The following NIN variants were observed in gnomAD, a reference collection of about 807,000 sequenced individuals.
The protein encoded by NIN is ninein.
NIN carries 137 observed loss-of-function variants against 257.6 expected under a neutral mutation model. That is an observed-to-expected ratio of 0.53 (90% CI 0.46 to 0.61). The LOEUF (loss-of-function observed/expected upper bound fraction) is 0.61, where lower values mean the gene tolerates loss of function less well. Ranked by LOEUF, NIN falls within the 20% of genes least tolerant of loss-of-function variation. The pLI is 0.00. For synonymous variants in NIN, 918 were observed against 919.8 expected (o/e 1.00, Z 0.04); for missense variants, 2,439 against 2,501.2 (o/e 0.98, Z 0.53).
chr14:50,734,375 AGCCACTG>A (rs777424915), intron 28 of NIN, among the ~76,000 whole-genome samples: 3 of 152,140 alleles, frequency 2.0e-5, no homozygotes, highest in Non-Finnish European at 2.9e-5. Context: ...TACAGGGGTA[AGCCACTG>A]CGCCCGGCCC....
At chr14:50,728,328 G>T (rs546057368) in intron 29 of NIN, among the ~76,000 whole-genome samples, 1 of 152,278 alleles carries the variant, frequency 6.6e-6, no homozygotes, top group South Asian at 2.1e-4. Context: ...GGAAGTTGAA[G>T]AGGTATGTAT....
In NIN at chr14:50,743,399, A is replaced by G. The variant is rs751561731; in HGVS notation, c.5301+17T>C. ...AGAATACTAACCGTGAAGATGAAAC[A>G]AGAATTGTCCATGTACCTTTTCCTG... On this transcript the variant is annotated intron_variant, in intron 24 of 30. Coordinates refer to ENST00000530997, the MANE Select transcript of NIN (RefSeq NM_020921.4). The G allele has an allele frequency of 4.1e-6, 6 of 1,476,220 alleles. No individual in the cohort carries two copies. In the South Asian group the frequency reaches 4.5e-5, roughly 11 times the overall value. 91.4% of individuals were successfully genotyped at this position (1,476,220 alleles called of 1,614,324 possible). A position where few individuals can be genotyped will look rare whatever the true frequency, so the allele number is the denominator to read the frequency against.
chr14:50,770,344 G>A, intron 12 of NIN, 44 bp downstream of exon 12: 1 of 1,582,844 alleles, frequency 6.3e-7, no homozygotes, highest in Non-Finnish European at 8.6e-7. Flanking sequence ...TCCACGTGGT[G>A]TTCCCGGCAG....
At chr14:50,812,131 A>T (rs567177843) in intron 3 of NIN, among the ~76,000 whole-genome samples, 11 of 152,080 alleles carry the variant, frequency 7.2e-5, no homozygotes, top group South Asian at 2.1e-4. Flanking sequence ...GAAACAAAAA[A>T]TTTTTTTTAC....
chr14:50,738,076 A>G, intron 27 of NIN, 64 bp downstream of exon 27: 1 of 1,521,176 alleles, frequency 6.6e-7, no homozygotes, highest in Non-Finnish European at 9.0e-7. Flanking sequence ...CCTGAGAAGA[A>G]ACACACTTAA....
At position 50,758,635 on chromosome 14, in the gene NIN, A is replaced by G. The variant is rs1208627865; in HGVS notation, c.2400-5T>C. ...CACTCTGTTTCCATTTTTTCCCTAA[A>G]TATAGTCAACATACAGCATTATTGA... On this transcript the variant is annotated splice_region_variant and splice_polypyrimidine_tract_variant and intron_variant, in intron 17 of 30. Transcript: ENST00000530997. 3.2e-6 allele frequency: 5 copies of G among 1,550,248 alleles called. No individual in the cohort carries two copies. In the South Asian group the frequency reaches 6.1e-5, roughly 19 times the overall value.
chr14:50,730,169 A>AT (rs1415648627), intron 28 of NIN, among the ~76,000 whole-genome samples: 3 of 152,112 alleles, frequency 2.0e-5, no homozygotes, highest in Non-Finnish European at 2.9e-5. Flanking sequence ...CAAGTTAGCA[A>AT]TTTTTTTTGG....
intron 5 of NIN, among the ~76,000 whole-genome samples, chr14:50,779,860 T>C (rs1327450623): frequency 2.0e-5 from 3 of 152,074 alleles, no homozygotes; most frequent in African/African-American, 4.8e-5. Flanking sequence ...AGGAGAGAGA[T>C]GCAACTTAAA....
chr14:50,818,331 A>AC (rs1406453620), intron 3 of NIN, among the ~76,000 whole-genome samples: 1 of 151,804 alleles, frequency 6.6e-6, no homozygotes, highest in African/African-American at 2.4e-5. Flanking sequence ...AAAAAAAAAA[A>AC]AAAAAAAACA....
Position 50,722,870 on chromosome 14 carries a change from A to G in NIN, c.*593T>C. 1 of 213,034 alleles carries G rather than the reference A, an allele frequency of 4.7e-6. No homozygotes were observed. The highest frequency in any genetic ancestry group is 9.5e-6 in the Non-Finnish European group (1 of 105,160). 13.2% of individuals were successfully genotyped at this position (213,034 alleles called of 1,614,324 possible). On this transcript the variant is annotated 3_prime_UTR_variant, in exon 31 of 31. Transcript: ENST00000530997. ...AATCTATAATACAAGAAGAGTGGTA[A>G]TACTGTCACAGGTGTTAGAAGGTTA...
intron 4 of NIN, among the ~76,000 whole-genome samples, chr14:50,801,075 C>T (rs150688454): frequency 1.7e-3 from 240 of 142,470 alleles, no homozygotes; most frequent in Non-Finnish European, 2.7e-3. Context: ...AGGCATGAGC[C>T]ACTGCGCCCG....
Position 50,729,523 on chromosome 14 carries a change from C to T in NIN, c.6078G>A (p.Gln2026=). The change falls in exon 29 of 31, where the codon CAG becomes CAA. Residue 2026 remains glutamine, a splice_region_variant and synonymous_variant. Transcript: ENST00000530997. ...ENRTSETNTP[Q]GNQEQLVTVM... Reference sequence around the variant, plus strand: ...TACTAGAGTAGAGAGAGCTTCATACCTGTGGTGTGTTGGTTTCGGAGGTCC... The same window carrying T: ...TACTAGAGTAGAGAGAGCTTCATACTTGTGGTGTGTTGGTTTCGGAGGTCC... 6.2e-7 allele frequency: 1 copy of T among 1,612,940 alleles called. No individual in the cohort carries two copies. The highest frequency in any genetic ancestry group is 8.5e-7 in the Non-Finnish European group (1 of 1,179,374).
rs140862061 is a variant in NIN, at chr14:50,720,511, C to A, written c.*2952G>T. On this transcript the variant is annotated 3_prime_UTR_variant, in exon 31 of 31. Transcript: ENST00000530997. ...GTGCATTATTAAAATACTAGACCTG[C>A]AAGATCTCTTCCTATGCCTTGGAAG... 1.9e-5 allele frequency: 4 copies of A among 209,802 alleles called. No individual in the cohort carries two copies. Among genetic ancestry groups the A allele is most frequent in the Non-Finnish European group, 3.9e-5 (4 of 102,816 alleles). The allele number at this position is 209,802 out of a possible 1,614,324, so 13.0% of individuals were successfully genotyped here. A position where few individuals can be genotyped will look rare whatever the true frequency, so the allele number is the denominator to read the frequency against.
At chr14:50,821,392 G>A (rs2142439672) in intron 3 of NIN, among the ~76,000 whole-genome samples, 1 of 152,324 alleles carries the variant, frequency 6.6e-6, no homozygotes, top group South Asian at 2.1e-4. Context: ...AAATGAACCT[G>A]CACTGTATTT....
intron 29 of NIN, chr14:50,727,751 C>T: frequency 7.0e-7 from 1 of 1,423,100 alleles, no homozygotes; most frequent in Non-Finnish European, 9.5e-7. Context: ...GGTAGCAAGG[C>T]CTAGAGAAAG....
intron 5 of NIN, chr14:50,792,179 C>CCATGG (rs984439307): frequency 3.3e-5 from 5 of 152,608 alleles, no homozygotes; most frequent in Non-Finnish European, 2.9e-5. Flanking sequence ...GCAGAAAGAA[C>CCATGG]CATGGCAACT....
intron 12 of NIN, among the ~76,000 whole-genome samples, chr14:50,769,811 CAT>C (rs2042652242): frequency 6.6e-6 from 1 of 151,906 alleles, no homozygotes; most frequent in Admixed American, 6.6e-5. Flanking sequence ...AGCATAATAA[CAT>C]GAGCCTATAG....
Position 50,776,936 on chromosome 14 carries a change from C to A in NIN, c.666+13G>T. 1 of 1,605,470 alleles carries A rather than the reference C, an allele frequency of 6.2e-7. No individual in the cohort carries two copies. Among genetic ancestry groups the A allele is most frequent in the Non-Finnish European group, 8.5e-7 (1 of 1,175,386 alleles). On this transcript the variant is annotated intron_variant, in intron 7 of 30. Transcript: ENST00000530997. ...CCATCATTATCATTCCTGAATTATA[C>A]TGCGAGGCTTACCTCTCCATCCACA...
intron 28 of NIN, among the ~76,000 whole-genome samples, chr14:50,732,984 C>T (rs1391282325): frequency 6.6e-6 from 1 of 152,144 alleles, no homozygotes; most frequent in Non-Finnish European, 1.5e-5. Context: ...GGGAGGATTG[C>T]TTGAGCCCAA....
Sources: allele counts gnomAD v4.1 joint callset (sites outside exome capture counted in the v4.1 genomes callset), GRCh38; gene constraint gnomAD v4.1.1; transcripts MANE v1.5; gene names NCBI Gene and HGNC (gene_info 2026-07-23, HGNC 2026-07-21).